The following TNRC6C variants were observed in gnomAD, a reference collection of about 807,000 sequenced individuals.
TNRC6C encodes the protein trinucleotide repeat-containing gene 6C protein.
TNRC6C carries 20 observed loss-of-function variants against 153.7 expected under a neutral mutation model. That is an observed-to-expected ratio of 0.13 (90% CI 0.09 to 0.19). TNRC6C has a LOEUF of 0.19. Among genes scored for constraint, TNRC6C ranks in the 10% least tolerant of loss-of-function variants. The pLI is 1.00. For synonymous variants in TNRC6C, 811 were observed against 841.4 expected (o/e 0.96, Z 0.63); for missense variants, 1,987 against 2,172.0 (o/e 0.91, Z 1.69).
At chr17:78,027,022 C>T (rs756743890) in intron 1 of TNRC6C, among the ~76,000 whole-genome samples, 1 of 152,020 alleles carries the variant, frequency 6.6e-6, no homozygotes, top group African/African-American at 2.4e-5. Flanking sequence ...TGAAGTGTAT[C>T]AAGTATAAAA....
upstream of TNRC6C, among the ~76,000 whole-genome samples, chr17:78,004,719 A>G (rs1054713769): frequency 6.6e-6 from 1 of 152,214 alleles, no homozygotes; most frequent in African/African-American, 2.4e-5. Context: ...CTTGAATTTT[A>G]TGGCATTTAA....
chr17:78,100,779 T>C (rs1187916435), intron 17 of TNRC6C, among the ~76,000 whole-genome samples: 1 of 147,442 alleles, frequency 6.8e-6, no homozygotes, highest in Non-Finnish European at 1.5e-5. Flanking sequence ...CCTTTTTTTT[T>C]TTTTTTTTTT....
Position 78,079,208 on chromosome 17 carries a change from T to C in TNRC6C, c.3211-187T>C, listed in dbSNP as rs576467394. 6.0e-4 allele frequency among the ~76,000 whole-genome samples: 91 copies of C among 152,096 alleles called. No individual in the cohort carries two copies. Among genetic ancestry groups the C allele is most frequent in the African/African-American group, 2.1e-3 (86 of 41,490 alleles). ...AGGCTACAGTGAGCCAAGACCGCGCTACTGCACTCCAGTCTGGGTGACAGA... is the reference window on the plus strand; with the variant it reads ...AGGCTACAGTGAGCCAAGACCGCGCCACTGCACTCCAGTCTGGGTGACAGA... On this transcript the variant is annotated intron_variant, in intron 9 of 19. Transcript: ENST00000301624. The surrounding 1 kb of genome is among the most constrained non-coding windows in gnomAD (Gnocchi z 4.3).
At chr17:77,976,340 C>A (rs2070997267) in intron 1 of TNRC6C, among the ~76,000 whole-genome samples, 1 of 152,194 alleles carries the variant, frequency 6.6e-6, no homozygotes, top group African/African-American at 2.4e-5. Flanking sequence ...CTGAAAACAT[C>A]TACAAATGCT....
rs369485423 is a variant in TNRC6C, at chr17:78,079,463, G to A, written c.3279G>A (p.Pro1093=). The A allele has an allele frequency of 3.2e-5, 51 of 1,613,722 alleles. 1 individual carries two copies. Among genetic ancestry groups the A allele is most frequent in the South Asian group, 1.3e-4 (12 of 91,078 alleles). ...CACAAGCCAGGACCATGCAGCAGCC[G>A]CCACAGCCACCAGTGCAGCCTCTTA... The change falls in exon 10 of 20, where the codon CCG becomes CCA. Residue 1093 remains proline (P), a synonymous_variant. Transcript: ENST00000301624. The surrounding 1 kb of genome is among the most constrained non-coding windows in gnomAD (Gnocchi z 4.3).
chr17:78,074,456 C>T (rs911354075), intron 7 of TNRC6C, among the ~76,000 whole-genome samples: 6 of 152,160 alleles, frequency 3.9e-5, no homozygotes, highest in African/African-American at 1.4e-4. Context: ...CGTGCACGTG[C>T]GACAACGTGT....
chr17:78,059,140 A>G (rs970946282), intron 3 of TNRC6C, among the ~76,000 whole-genome samples: 6 of 152,340 alleles, frequency 3.9e-5, no homozygotes, highest in Middle Eastern at 3.4e-3. Context: ...ACTACACCAA[A>G]AGACAGTCAC....
chr17:77,983,891 A>G (rs1348778680), intron 1 of TNRC6C, among the ~76,000 whole-genome samples: 2 of 152,188 alleles, frequency 1.3e-5, no homozygotes, highest in African/African-American at 2.4e-5. Context: ...GATTAATACA[A>G]TGTCTGTTCG....
At chr17:78,086,543 C>T (rs1273718574) in exon 12 of TNRC6C, 1 of 1,613,918 alleles carries the variant, frequency 6.2e-7, no homozygotes, top group East Asian at 2.2e-5. Context: ...ATGTTACAGG[C>T]CCAGCGTAAT....
At chr17:77,967,047 A>G (rs1010294445) in intron 1 of TNRC6C, among the ~76,000 whole-genome samples, 12 of 152,208 alleles carry the variant, frequency 7.9e-5, no homozygotes, top group African/African-American at 2.9e-4. Context: ...TTACTCCTGT[A>G]GAGTGGGGAA....
chr17:77,983,770 C>T (rs1322738933), intron 1 of TNRC6C, among the ~76,000 whole-genome samples: 1 of 152,164 alleles, frequency 6.6e-6, no homozygotes, highest in Non-Finnish European at 1.5e-5. Flanking sequence ...TTTGCTTTTT[C>T]CCCCCTTATT....
At position 78,104,051 on chromosome 17, in the gene TNRC6C, C is replaced by T. The variant is rs933665923; in HGVS notation, c.4713-434C>T. ...TTCTGCTGCTGAGTTGCTGTGTCTA[C>T]TCCCTCCCTGTGACACATTCCTACA... On this transcript the variant is annotated intron_variant, in intron 19 of 19. Coordinates refer to ENST00000301624, the Ensembl canonical transcript of TNRC6C. The surrounding 1 kb of genome is among the most constrained non-coding windows in gnomAD (Gnocchi z 6.2). Among the ~76,000 whole-genome samples, 61 of 152,156 alleles carry T rather than the reference C, an allele frequency of 4.0e-4. No homozygotes were observed. The highest frequency in any genetic ancestry group is 3.5e-3 in the Admixed American group (54 of 15,284).
exon 13 of TNRC6C, chr17:78,087,088 C>T (rs780312107): frequency 3.7e-6 from 6 of 1,613,188 alleles, no homozygotes; most frequent in South Asian, 1.1e-5. Context: ...GCTCCTTACC[C>T]TCTCGGTGAG....
intron 1 of TNRC6C, among the ~76,000 whole-genome samples, chr17:78,023,432 T>G (rs2071874850): frequency 1.3e-5 from 2 of 152,228 alleles, no homozygotes; most frequent in African/African-American, 4.8e-5. Flanking sequence ...CCTCCTCCTC[T>G]TCTGCTGCTA....
intron 6 of TNRC6C, among the ~76,000 whole-genome samples, chr17:78,071,958 T>A (rs2073005711): frequency 6.6e-6 from 1 of 152,232 alleles, no homozygotes; most frequent in Non-Finnish European, 1.5e-5. Context: ...TTCCTGAGAT[T>A]GGATGGCAGT....
At chr17:77,965,243 G>A (rs1465441043) in intron 1 of TNRC6C, among the ~76,000 whole-genome samples, 4 of 152,192 alleles carry the variant, frequency 2.6e-5, no homozygotes, top group African/African-American at 7.2e-5. Flanking sequence ...CCTCACATAT[G>A]GAAAAAGCTT....
exon 3 of TNRC6C, chr17:78,050,624 C>T (rs1410859484): frequency 6.4e-7 from 1 of 1,574,362 alleles, no homozygotes; most frequent in South Asian, 1.2e-5. Flanking sequence ...CCAGCAAACA[C>T]AGGTTGGGGA....
chr17:77,983,322 C>T (rs1401822197), intron 1 of TNRC6C, among the ~76,000 whole-genome samples: 1 of 152,158 alleles, frequency 6.6e-6, no homozygotes, highest in Non-Finnish European at 1.5e-5. Context: ...CCATTTGGGA[C>T]TGTTGATGCC....
intron 3 of TNRC6C, among the ~76,000 whole-genome samples, chr17:78,063,277 T>C (rs986461028): frequency 2.7e-5 from 4 of 148,510 alleles, no homozygotes; most frequent in Non-Finnish European, 5.9e-5. Context: ...ATAATATATA[T>C]ATATGTATAA....
Sources: allele counts gnomAD v4.1 joint callset (sites outside exome capture counted in the v4.1 genomes callset), GRCh38; gene constraint gnomAD v4.1.1; non-coding constraint Gnocchi (gnomAD v3.1); transcripts MANE v1.5; gene names NCBI Gene and HGNC (gene_info 2026-07-23, HGNC 2026-07-21).